The following CLSPN variants were observed in gnomAD, a reference collection of about 807,000 sequenced individuals.
CLSPN encodes the protein claspin homolog.
A neutral mutation model predicts 156.3 loss-of-function variants in CLSPN; 85 were observed. The observed-to-expected ratio is 0.54, with a 90% CI of 0.46 to 0.65. The LOEUF is 0.65. CLSPN is among the 30% of genes least tolerant of loss of function. The probability of loss-of-function intolerance (pLI) is 0.00; values close to 1 mark genes in which losing one functional copy is unlikely to be tolerated. For synonymous variants in CLSPN, 534 were observed against 542.4 expected (o/e 0.98, Z 0.22); for missense variants, 1,407 against 1,554.9 (o/e 0.90, Z 1.60).
chr1:35,755,271 T>C (rs1484491656), intron 8 of CLSPN, among the ~76,000 whole-genome samples: 1 of 151,314 alleles, frequency 6.6e-6, no homozygotes, highest in African/African-American at 2.4e-5. Flanking sequence ...AGCTAATTTT[T>C]TTTTTTTTTT....
In CLSPN at chr1:35,743,493, G is replaced by C; in HGVS notation, c.3004C>G (p.Arg1002Gly). Residue 1002 changes from arginine to glycine, a missense_variant, in exon 17 of 25, where the codon CGG becomes GGG. Transcript: ENST00000318121. ...AACTCATTATCATTTGAAACAAGCC[G>C]AAAGTCTCCAAATTCCTCCTCCTCG... ...EDEEEEFGDF[R>G]LVSNDNEFDS... The C allele has an allele frequency of 5.6e-6, 9 of 1,613,592 alleles. No individual in the cohort carries two copies. The South Asian group carries it at 8.8e-5, about 16-fold the overall frequency.
At position 35,751,303 on chromosome 1, in the gene CLSPN, G is replaced by T. The variant is rs1571208947; in HGVS notation, c.1975C>A (p.Leu659Ile). 3 of 1,585,908 alleles carry T rather than the reference G, an allele frequency of 1.9e-6. No homozygotes were observed. The highest frequency in any genetic ancestry group is 2.6e-6 in the Non-Finnish European group (3 of 1,165,086). Reference sequence around the variant, plus strand: ...TCTTCTTTCTCCTCCTCTTCCTCTAGTTCTTCCTCTTTCTCTTCTTTCTCT... The same window carrying T: ...TCTTCTTTCTCCTCCTCTTCCTCTATTTCTTCCTCTTTCTCTTCTTTCTCT... ...KVEKEEKEEE[L>I]EEEEEKEEEE... Residue 659 changes from leucine (L) to isoleucine (I), a missense_variant, in exon 10 of 25, where the codon CTA becomes ATA. Around this residue, in one of 3 missense-constraint regions of CLSPN, gnomAD observed 1,096 missense variants for 1,193.0 expected, o/e 0.92. Coordinates refer to ENST00000318121, the MANE Select transcript of CLSPN (RefSeq NM_022111.4).
chr1:35,752,582 G>GAAAAAAAAAAAAAAA (rs58271996), intron 9 of CLSPN, among the ~76,000 whole-genome samples: 2 of 67,900 alleles, frequency 2.9e-5, no homozygotes, highest in Non-Finnish European at 2.9e-5. Flanking sequence ...TGTCTTAGAG[G>GAAAAAAAAAAAAAAA]AAAAAAAAAA....
intron 22 of CLSPN, 41 bp downstream of exon 22, chr1:35,737,951 C>A: frequency 8.7e-7 from 1 of 1,156,006 alleles, no homozygotes; most frequent in South Asian, 2.0e-5. Flanking sequence ...CTACCACTAA[C>A]AATCCAGGGG....
chr1:35,753,282 G>C (rs1372425381), intron 9 of CLSPN, among the ~76,000 whole-genome samples: 1 of 151,872 alleles, frequency 6.6e-6, no homozygotes, highest in Non-Finnish European at 1.5e-5. Flanking sequence ...GTAGAGATGA[G>C]GGCTCACTAT....
rs761132042 is a variant in CLSPN at position 35,746,828 on chromosome 1, C to A, written c.2792G>T (p.Ser931Ile). 4.3e-6 allele frequency: 7 copies of A among 1,614,174 alleles called. No homozygotes were observed. ...TTCCTCCATGTTCTCTTTCTTGTCA[C>A]TCTTCCTGGGTAGATGTTTTTCAGC... is the stretch of plus-strand genomic sequence containing the variant. Reference protein sequence around the residue: ...SQAEKHLPRKSDKKENMEELL... With the variant: ...SQAEKHLPRKIDKKENMEELL... The change falls in exon 15 of 25, where the codon AGT becomes ATT. Residue 931 changes from serine to isoleucine, a missense_variant. Transcript: ENST00000318121. The surrounding 1 kb of genome is among the most constrained non-coding windows in gnomAD (Gnocchi z 4.2).
chr1:35,722,107 C>A (rs1428712413), intron 24 of CLSPN, among the ~76,000 whole-genome samples: 1 of 151,318 alleles, frequency 6.6e-6, no homozygotes, highest in Non-Finnish European at 1.5e-5. Context: ...CCACTGCACT[C>A]CAGCCTGGGC....
Position 35,733,033 on chromosome 1 carries a change from C to T in CLSPN, c.*3463G>A, listed in dbSNP as rs1019181042. 28 of 804,462 alleles carry T rather than the reference C, an allele frequency of 3.5e-5. No individual in the cohort carries two copies. Among genetic ancestry groups the T allele is most frequent in the Non-Finnish European group, 4.1e-5 (27 of 665,414 alleles). The allele number at this position is 804,462 out of a possible 1,614,324, so 49.8% of individuals were successfully genotyped here. A position where few individuals can be genotyped will look rare whatever the true frequency, so the allele number is the denominator to read the frequency against. On this transcript the variant is annotated 3_prime_UTR_variant, in exon 25 of 25. Transcript: ENST00000318121. ...ATGCTGGAGAGCAGTGGCGTGATCT[C>T]GGCTCACTGCAACCTCTGCCTCCCA...
intron 9 of CLSPN, among the ~76,000 whole-genome samples, chr1:35,751,896 T>C (rs1642099740): frequency 6.6e-6 from 1 of 152,142 alleles, no homozygotes; most frequent in East Asian, 1.9e-4. Flanking sequence ...TAAACATATA[T>C]TGTTAATAAA....
In CLSPN at chr1:35,762,497, G is replaced by A; in HGVS notation, c.745-16C>T. The A allele has an allele frequency of 1.9e-6, 3 of 1,609,600 alleles. No individual in the cohort carries two copies. The highest frequency in any genetic ancestry group is 2.6e-6 in the Non-Finnish European group (3 of 1,176,230). ...GTTCTTTTTTCTAAAAGAAATGGCA[G>A]GTTGATTAGGACAAAAACGAAATTC... On this transcript the variant is annotated splice_polypyrimidine_tract_variant and intron_variant, in intron 4 of 24. Transcript: ENST00000318121.
At position 35,735,940 on chromosome 1, in the gene CLSPN, C is replaced by A. The variant is rs1311880072; in HGVS notation, c.*556G>T. 3.0e-6 allele frequency: 3 copies of A among 985,028 alleles called. No individual in the cohort carries two copies. In the East Asian group the frequency reaches 3.4e-4, roughly 112 times the overall value. The allele number at this position is 985,028 out of a possible 1,614,324, so 61.0% of individuals were successfully genotyped here. A position where few individuals can be genotyped will look rare whatever the true frequency, so the allele number is the denominator to read the frequency against. On this transcript the variant is annotated 3_prime_UTR_variant, in exon 25 of 25. Transcript: ENST00000318121. ...GGAGGAAGTGAAACCTAACCCAAGGCCAGGTGCAGTGACTCATGCATGTGA... is the reference window on the plus strand; with the variant it reads ...GGAGGAAGTGAAACCTAACCCAAGGACAGGTGCAGTGACTCATGCATGTGA...
chr1:35,720,850 T>G, exon 25 of CLSPN: 1 of 1,403,642 alleles, frequency 7.1e-7, no homozygotes. Flanking sequence ...CTGCCCAGAA[T>G]AGCCCTTCTC....
chr1:35,757,143 T>TC (rs1251467136), intron 8 of CLSPN, among the ~76,000 whole-genome samples: 1 of 152,140 alleles, frequency 6.6e-6, no homozygotes, highest in Non-Finnish European at 1.5e-5. Flanking sequence ...TTCCCTGACT[T>TC]CTAGGCTCCA....
At chr1:35,739,590 GC>G in intron 18 of CLSPN, 61 bp from the exon 19 acceptor site, 1 of 1,252,526 alleles carries the variant, frequency 8.0e-7, no homozygotes. Context: ...GAATATGGAA[GC>G]AAAGAAAAGC....
At position 35,733,319 on chromosome 1, in the gene CLSPN, T is replaced by C. The variant is rs1029110617; in HGVS notation, c.*3177A>G. ...TCAGGCACTAATTTTCTTTTTTTTT[T>C]CTTTTTTTTTTTTTTTTTAGAGTTG... On this transcript the variant is annotated 3_prime_UTR_variant, in exon 25 of 25. Coordinates refer to ENST00000318121, the MANE Select transcript of CLSPN (RefSeq NM_022111.4). 9.2e-5 allele frequency: 18 copies of C among 196,714 alleles called. No individual in the cohort carries two copies. The highest frequency in any genetic ancestry group is 2.3e-4 in the South Asian group (1 of 4,262). The allele number at this position is 196,714 out of a possible 1,614,324, so 12.2% of individuals were successfully genotyped here. A position where few individuals can be genotyped will look rare whatever the true frequency, so the allele number is the denominator to read the frequency against.
In CLSPN at chr1:35,724,291, A is replaced by G. The variant is rs545950918; in HGVS notation, c.3910-3311T>C. Among the ~76,000 whole-genome samples the G allele has an allele frequency of 1.3e-4, 20 of 152,304 alleles. No individual in the cohort carries two copies. The South Asian group carries it at 4.1e-3, about 32-fold the overall frequency. On this transcript the variant is annotated intron_variant, in intron 24 of 24. Transcript: ENST00000251195. ...CTTGAGGGATGAATAAGAGCTCACC[A>G]AGAGAAAGCAAGAGAAGGCATAGGA... is the stretch of plus-strand genomic sequence containing the variant.
intron 24 of CLSPN, 148 bp downstream of exon 24, chr1:35,736,766 G>C (rs1395346717): frequency 7.7e-7 from 1 of 1,292,436 alleles, no homozygotes; most frequent in African/African-American, 1.5e-5. Flanking sequence ...ATTACCGACT[G>C]GGGTAGCAAT....
rs561873918 is a variant in CLSPN, at chr1:35,755,421, C to T, written c.1580-1485G>A. Among the ~76,000 whole-genome samples, 20 of 152,176 alleles carry T rather than the reference C, an allele frequency of 1.3e-4. No individual in the cohort carries two copies. In the South Asian group the frequency reaches 4.2e-3, roughly 32 times the overall value. ...AGCTGGGATTACAGGCATGCGTCAC[C>T]ACACCCAGCTAATTTTTTTATTTTT... On this transcript the variant is annotated intron_variant, in intron 8 of 24. Transcript: ENST00000318121.
intron 22 of CLSPN, 23 bp from the exon 23 acceptor site, chr1:35,737,444 C>A (rs759421276): frequency 6.3e-7 from 1 of 1,576,540 alleles, no homozygotes; most frequent in Non-Finnish European, 8.7e-7. Flanking sequence ...GACAGAGAGG[C>A]CTATTCTGGG....
Sources: allele counts gnomAD v4.1 joint callset (sites outside exome capture counted in the v4.1 genomes callset), GRCh38; gene constraint gnomAD v4.1.1; regional missense constraint gnomAD v4.1.1; non-coding constraint Gnocchi (gnomAD v3.1); transcripts MANE v1.5; gene names NCBI Gene and HGNC (gene_info 2026-07-23, HGNC 2026-07-21).